The following NEK7 variants were observed in gnomAD, a reference collection of about 807,000 sequenced individuals.
The protein encoded by NEK7 is serine/threonine-protein kinase Nek7.
In NEK7, 18 loss-of-function variants were observed where a neutral mutation model predicts 44.6. That is an observed-to-expected ratio of 0.40 (90% CI 0.28 to 0.60). The LOEUF is 0.60. Ranked by LOEUF, NEK7 falls within the 20% of genes least tolerant of loss-of-function variation. The probability of loss-of-function intolerance (pLI) is 0.38; values close to 1 mark genes in which losing one functional copy is unlikely to be tolerated. For missense variants in NEK7, 256 were observed against 366.5 expected, an observed-to-expected ratio of 0.70 and a Z score of 2.46; for synonymous variants, 130 against 121.1, an observed-to-expected ratio of 1.07 and a Z score of -0.48.
At chr1:198,166,761 A>G (rs886377851) in intron 1 of NEK7, among the ~76,000 whole-genome samples, 1 of 152,218 alleles carries the variant, frequency 6.6e-6, no homozygotes, top group African/African-American at 2.4e-5. Flanking sequence ...ACAGACCACC[A>G]TAAAAGATAT....
At chr1:198,231,301 GTATATATA>G (rs749263549) in intron 1 of NEK7, among the ~76,000 whole-genome samples, 953 of 86,946 alleles carry the variant, frequency 0.011, 8 homozygotes, top group Middle Eastern at 0.022. Flanking sequence ...ATGTGTGTGT[GTATATATA>G]TATATATATA....
intron 8 of NEK7, among the ~76,000 whole-genome samples, chr1:198,296,535 A>G (rs1338305265): frequency 6.6e-6 from 1 of 152,224 alleles, no homozygotes; most frequent in African/African-American, 2.4e-5. Flanking sequence ...GCTTTTGAAC[A>G]TATTTAATTT....
intron 1 of NEK7, among the ~76,000 whole-genome samples, chr1:198,204,964 A>C (rs996190747): frequency 1.3e-5 from 2 of 152,152 alleles, no homozygotes; most frequent in East Asian, 3.9e-4. Context: ...TGTAACATAT[A>C]ATAACAACAA....
intron 1 of NEK7, among the ~76,000 whole-genome samples, chr1:198,222,405 T>C (rs1332618025): frequency 6.6e-6 from 1 of 152,202 alleles, no homozygotes; most frequent in Admixed American, 6.5e-5. Context: ...CTGTTCTGTA[T>C]GGTTTTTCTC....
At chr1:198,228,451 C>A (rs1224180630) in intron 1 of NEK7, among the ~76,000 whole-genome samples, 2 of 152,050 alleles carry the variant, frequency 1.3e-5, no homozygotes, top group Non-Finnish European at 2.9e-5. Flanking sequence ...CTATAAATTA[C>A]CTTGGGCAGT....
In NEK7 at chr1:198,231,297, GTGTGTATATA is replaced by G. The variant is rs1227686299; in HGVS notation, c.-28-1254_-28-1245del. ...TGTGTGTGTATATACGTGTATGTGTGTGTGTATATATATATATATATATATATATATATAT... is the reference window on the plus strand; with the variant it reads ...TGTGTGTGTATATACGTGTATGTGTGTATATATATATATATATATATATAT... On this transcript the variant is annotated intron_variant, in intron 1 of 9. Coordinates refer to ENST00000367385, the MANE Select transcript of NEK7 (RefSeq NM_133494.3). 4.2e-4 allele frequency among the ~76,000 whole-genome samples: 38 copies of G among 90,184 alleles called. 1 individual carries two copies. Among genetic ancestry groups the G allele is most frequent in the African/African-American group, 8.2e-4 (15 of 18,352 alleles). 59.2% of individuals were successfully genotyped at this position (90,184 alleles called of 152,430 possible). A position where few individuals can be genotyped will look rare whatever the true frequency, so the allele number is the denominator to read the frequency against.
At chr1:198,226,954 G>A (rs1666246212) in intron 1 of NEK7, among the ~76,000 whole-genome samples, 1 of 151,998 alleles carries the variant, frequency 6.6e-6, no homozygotes, top group South Asian at 2.1e-4. Flanking sequence ...TGCCATGTTG[G>A]TGTGCTGCAC....
intron 5 of NEK7, among the ~76,000 whole-genome samples, chr1:198,271,020 T>C (rs1233039318): frequency 6.6e-6 from 1 of 152,012 alleles, no homozygotes; most frequent in Admixed American, 6.6e-5. Context: ...GGTTGTCAAC[T>C]GGGGGTATCC....
chr1:198,192,256 T>G (rs1451858277), intron 1 of NEK7, among the ~76,000 whole-genome samples: 1 of 151,854 alleles, frequency 6.6e-6, no homozygotes, highest in East Asian at 1.9e-4. Context: ...TGCTCTGTAA[T>G]TTTTTATTTA....
chr1:198,273,529 T>G (rs1653919148), intron 5 of NEK7, among the ~76,000 whole-genome samples: 2 of 151,904 alleles, frequency 1.3e-5, no homozygotes, highest in South Asian at 4.1e-4. Context: ...TTTAATTCTT[T>G]GAAATAACCA....
In NEK7 at chr1:198,317,886, T is replaced by TTTA. The variant is rs1553258442; in HGVS notation, c.799-1524_799-1523insATT. 7.5e-4 allele frequency among the ~76,000 whole-genome samples: 107 copies of TTTA among 142,616 alleles called. 1 individual carries two copies. Among genetic ancestry groups the TTTA allele is most frequent in the Non-Finnish European group, 1.5e-3 (96 of 65,524 alleles). The allele number at this position is 142,616 out of a possible 152,430, so 93.6% of individuals were successfully genotyped here. A position where few individuals can be genotyped will look rare whatever the true frequency, so the allele number is the denominator to read the frequency against. ...ATTACTGGATATATTTATTTTTTTT[T>TTTA]TTTTTTTTTTTTTTGGTAACCTGGT... On this transcript the variant is annotated intron_variant, in intron 9 of 9. Transcript: ENST00000367385.
intron 8 of NEK7, among the ~76,000 whole-genome samples, chr1:198,295,813 T>C (rs1014351518): frequency 2.4e-4 from 15 of 62,456 alleles, no homozygotes; most frequent in Admixed American, 5.1e-4. Context: ...CCACTATTAT[T>C]ATTATTATTA....
At chr1:198,164,310 G>A (rs1048117317) in intron 1 of NEK7, among the ~76,000 whole-genome samples, 1 of 152,130 alleles carries the variant, frequency 6.6e-6, no homozygotes, top group Non-Finnish European at 1.5e-5. Context: ...GAAGTCCACC[G>A]GTCTAGGGCC....
intron 1 of NEK7, among the ~76,000 whole-genome samples, chr1:198,190,513 A>T (rs1032791733): frequency 4.0e-5 from 6 of 149,320 alleles, no homozygotes; most frequent in Admixed American, 2.1e-4. Context: ...ACTAAATAAA[A>T]TTGAACAGAA....
intron 2 of NEK7, among the ~76,000 whole-genome samples, chr1:198,246,386 A>C (rs1050198436): frequency 1.3e-5 from 2 of 152,066 alleles, no homozygotes; most frequent in East Asian, 1.9e-4. Context: ...CCATGGGGGG[A>C]AAAAGGTGCC....
intron 1 of NEK7, among the ~76,000 whole-genome samples, chr1:198,205,490 A>G (rs1349820483): frequency 1.3e-5 from 2 of 152,174 alleles, no homozygotes; most frequent in African/African-American, 4.8e-5. Flanking sequence ...AAAAAGCTCC[A>G]TGGGTGATTC....
At chr1:198,293,305 A>G (rs549479920) in intron 8 of NEK7, among the ~76,000 whole-genome samples, 18 of 152,016 alleles carry the variant, frequency 1.2e-4, no homozygotes, top group Admixed American at 2.6e-4. Context: ...GCCTTTCTCT[A>G]TATCTTGCAT....
intron 9 of NEK7, among the ~76,000 whole-genome samples, chr1:198,314,050 C>T (rs1655274250): frequency 6.6e-6 from 1 of 151,826 alleles, no homozygotes. Flanking sequence ...TTCCATTCTC[C>T]CCGTCACTTT....
chr1:198,173,424 G>C (rs927831809), intron 1 of NEK7, among the ~76,000 whole-genome samples: 1 of 142,662 alleles, frequency 7.0e-6, no homozygotes, highest in Non-Finnish European at 1.5e-5. Flanking sequence ...GTGAGACTCT[G>C]TCTTTTAAAA....
Sources: allele counts gnomAD v4.1 joint callset (sites outside exome capture counted in the v4.1 genomes callset), GRCh38; gene constraint gnomAD v4.1.1; transcripts MANE v1.5; gene names NCBI Gene and HGNC (gene_info 2026-07-23, HGNC 2026-07-21).